The following CPSF7 variants were observed in gnomAD, a reference collection of about 807,000 sequenced individuals.
The protein encoded by CPSF7 is cleavage and polyadenylation specific factor 7.
A neutral mutation model predicts 44.3 loss-of-function variants in CPSF7; 1 was observed. That is an observed-to-expected ratio of 0.02 (90% confidence interval 0.01 to 0.11). CPSF7 has a LOEUF of 0.11. Ranked by LOEUF, CPSF7 falls within the 10% of genes least tolerant of loss-of-function variation. The pLI is 1.00. For missense variants in CPSF7, 443 were observed against 607.2 expected (o/e 0.73, Z 2.84); for synonymous variants, 202 against 222.0 (o/e 0.91, Z 0.80).
chr11:61,416,010 G>C, intron 6 of CPSF7, 95 bp downstream of exon 6: 1 of 1,181,908 alleles, frequency 8.5e-7, no homozygotes, highest in Non-Finnish European at 1.2e-6. Context: ...ATAAGGGAAA[G>C]AACAAGGATT....
At chr11:61,412,995 T>C (rs940874067) in intron 7 of CPSF7, among the ~76,000 whole-genome samples, 1 of 152,200 alleles carries the variant, frequency 6.6e-6, no homozygotes, top group South Asian at 2.1e-4. Context: ...TGTTTTATCA[T>C]CCAGGCTGAA....
At chr11:61,429,037 TAA>T in intron 2 of CPSF7, 143 bp downstream of exon 2, 2 of 554,480 alleles carry the variant, frequency 3.6e-6, no homozygotes, top group Admixed American at 5.2e-5. Context: ...GTGTAGTCTT[TAA>T]AGTTTCTGCA....
At chr11:61,407,367 C>G (rs1227354649) in intron 9 of CPSF7, among the ~76,000 whole-genome samples, 1 of 152,168 alleles carries the variant, frequency 6.6e-6, no homozygotes, top group African/African-American at 2.4e-5. Flanking sequence ...GCTTTTCAAC[C>G]CACAAGTAAC....
At chr11:61,425,150 C>G (rs192691886) in intron 2 of CPSF7, among the ~76,000 whole-genome samples, 109 of 152,326 alleles carry the variant, frequency 7.2e-4, no homozygotes, top group African/African-American at 2.5e-3. Context: ...CACAGAGCCT[C>G]AGTTCAAAGA....
At chr11:61,415,567 C>T (rs1413289503) in intron 7 of CPSF7, 99 bp downstream of exon 7, 6 of 794,172 alleles carry the variant, frequency 7.6e-6, no homozygotes, top group Non-Finnish European at 1.3e-5. Flanking sequence ...CTACAGTACT[C>T]CAACTTTATC....
chr11:61,427,963 T>A (rs1440371738), intron 2 of CPSF7, among the ~76,000 whole-genome samples: 1 of 152,198 alleles, frequency 6.6e-6, no homozygotes, highest in Non-Finnish European at 1.5e-5. Context: ...CCAGGGAACT[T>A]TCCCTTTCTA....
Position 61,411,849 on chromosome 11 carries a change from G to A in CPSF7, c.1146C>T (p.Val382=). ...GACAGTCCTTAAGAGAGGAGATGAG[G>A]ACACGGCAACGCTCATCATTGGCAA... ...SRVANDERCR[V]LISSLKDCLH... The change falls in exon 8 of 10, where the codon GTC becomes GTT. Residue 382 remains valine (V), a synonymous_variant. Coordinates refer to ENST00000439958, the MANE Select transcript of CPSF7 (RefSeq NM_001142565.3). 6.2e-7 allele frequency: 1 copy of A among 1,613,884 alleles called. No individual in the cohort carries two copies. Among genetic ancestry groups the A allele is most frequent in the South Asian group, 1.1e-5 (1 of 91,076 alleles).
chr11:61,416,341 T>A lies in CPSF7; in HGVS notation c.702A>T (p.Pro234=). 1 of 1,505,740 alleles carries A rather than the reference T, an allele frequency of 6.6e-7. No homozygotes were observed. 93.3% of individuals were successfully genotyped at this position (1,505,740 alleles called of 1,614,324 possible). A position where few individuals can be genotyped will look rare whatever the true frequency, so the allele number is the denominator to read the frequency against. ...AGCTTGAGGAGAGAGGTGGTGGGGG[T>A]GGAATTGGTGGTGGGGGCAGACCCA... ...PLMGLPPPPI[P]PPPPLSSSFG... is the part of the protein sequence containing the mutation. Residue 234 remains proline, a synonymous_variant, in exon 6 of 10, where the codon CCA becomes CCT. Transcript: ENST00000439958.
At chr11:61,409,955 G>A (rs892701360) in intron 9 of CPSF7, among the ~76,000 whole-genome samples, 2 of 152,026 alleles carry the variant, frequency 1.3e-5, no homozygotes, top group East Asian at 1.9e-4. Context: ...GGGCGGCAAA[G>A]TGAGGCTCTG....
intron 9 of CPSF7, among the ~76,000 whole-genome samples, chr11:61,408,357 T>C (rs554971273): frequency 3.3e-5 from 5 of 152,332 alleles, no homozygotes; most frequent in African/African-American, 1.2e-4. Flanking sequence ...TCCACCCACC[T>C]TGGCCTCCCA....
At position 61,411,709 on chromosome 11, in the gene CPSF7, C is replaced by A; in HGVS notation, c.1226+60G>T. 6.7e-7 allele frequency: 1 copy of A among 1,499,596 alleles called. No homozygotes were observed. The allele number at this position is 1,499,596 out of a possible 1,614,324, so 92.9% of individuals were successfully genotyped here. A position where few individuals can be genotyped will look rare whatever the true frequency, so the allele number is the denominator to read the frequency against. ...TCCCTGGGCTCCATTTGTCCCCACT[C>A]CCTATCCCTGGAAGAGTGCTGCTTG... On this transcript the variant is annotated intron_variant, in intron 8 of 9. Coordinates refer to ENST00000439958, the MANE Select transcript of CPSF7 (RefSeq NM_001142565.3).
At chr11:61,411,229 G>T in intron 8 of CPSF7, 124 bp from the exon 9 acceptor site, 1 of 964,726 alleles carries the variant, frequency 1.0e-6, no homozygotes, top group Non-Finnish European at 1.5e-6. Flanking sequence ...TGGGCCTGCT[G>T]TCTGAGGATT....
intron 7 of CPSF7, among the ~76,000 whole-genome samples, chr11:61,413,996 G>A (rs1860082374): frequency 6.6e-6 from 1 of 152,124 alleles, no homozygotes; most frequent in Non-Finnish European, 1.5e-5. Context: ...ACTGGAATGA[G>A]AACAACAGGA....
chr11:61,420,813 T>C, intron 3 of CPSF7: 1 of 562,476 alleles, frequency 1.8e-6, no homozygotes, highest in Non-Finnish European at 3.2e-6. Context: ...TAACTTTGAC[T>C]GCCGTTTGGG....
Position 61,429,884 on chromosome 11 carries a change from AACCTGCCCCCG to A in CPSF7, c.-56+19_-56+29del, listed in dbSNP as rs1406301769. 13 of 1,525,830 alleles carry A rather than the reference AACCTGCCCCCG, an allele frequency of 8.5e-6. No individual in the cohort carries two copies. The Admixed American group carries it at 1.0e-4, about 12-fold the overall frequency. The allele number at this position is 1,525,830 out of a possible 1,614,324, so 94.5% of individuals were successfully genotyped here. On this transcript the variant is annotated intron_variant, in intron 1 of 9. Transcript: ENST00000439958. ...CCGGCCCGGACCCCTCTTCCGGCCC[AACCTGCCCCCG>A]ACCGCGCGCCCCCGTTACCGGGAAT...
chr11:61,410,754 G>A, intron 9 of CPSF7, 184 bp downstream of exon 9: 1 of 520,408 alleles, frequency 1.9e-6, no homozygotes, highest in Non-Finnish European at 3.3e-6. Context: ...AGAAACAGCT[G>A]AATCTCAGGG....
chr11:61,429,699 C>T, intron 1 of CPSF7: 3 of 1,523,916 alleles, frequency 2.0e-6, no homozygotes, highest in Non-Finnish European at 2.6e-6. Flanking sequence ...GCCTCTGCCC[C>T]CAACCCAGGC....
At chr11:61,414,148 AT>A (rs11420964) in intron 7 of CPSF7, among the ~76,000 whole-genome samples, 190 of 132,626 alleles carry the variant, frequency 1.4e-3, no homozygotes, top group African/African-American at 4.3e-3. Flanking sequence ...AAAAAGACTA[AT>A]TTTTTTTTTT....
At chr11:61,409,866 G>C (rs1178533931) in intron 9 of CPSF7, among the ~76,000 whole-genome samples, 1 of 151,998 alleles carries the variant, frequency 6.6e-6, no homozygotes, top group Non-Finnish European at 1.5e-5. Flanking sequence ...CCAGCTGCTG[G>C]GGAGGCTGAG....
Sources: gnomAD v4.1 joint callset for allele counts (sites outside exome capture counted in the v4.1 genomes callset) on GRCh38, gnomAD v4.1.1 for gene constraint, MANE v1.5 for transcripts, NCBI Gene and HGNC (gene_info 2026-07-23, HGNC 2026-07-21) for gene names.